Variants in SAXO1 observed in about 807,000 individuals in gnomAD.
The protein encoded by SAXO1 is 4930500O09Rik.
SAXO1 carries 21 observed loss-of-function variants against 17.5 expected under a neutral mutation model. That is an observed-to-expected ratio of 1.20 (90% confidence interval 0.85 to 1.72). The LOEUF (loss-of-function observed/expected upper bound fraction) is 1.72, where lower values mean the gene tolerates loss of function less well. SAXO1 is among the 40% of genes most tolerant of loss of function. The pLI is 0.00. For missense variants in SAXO1, 843 were observed against 596.0 expected, an observed-to-expected ratio of 1.41 and a Z score of -4.32; for synonymous variants, 274 against 216.5, an observed-to-expected ratio of 1.27 and a Z score of -2.33.
intron 2 of SAXO1, among the ~76,000 whole-genome samples, chr9:18,946,083 C>T (rs975814730): frequency 6.6e-6 from 1 of 151,958 alleles, no homozygotes; most frequent in Non-Finnish European, 1.5e-5. Flanking sequence ...ATGAGACCAG[C>T]CTGACCAACA....
intron 1 of SAXO1, among the ~76,000 whole-genome samples, chr9:18,981,276 T>G (rs921920969): frequency 6.6e-5 from 10 of 152,214 alleles, no homozygotes; most frequent in African/African-American, 2.2e-4. Context: ...TATAAAATAC[T>G]TTCTAATAGT....
At chr9:18,967,063 T>A (rs932459229) in intron 1 of SAXO1, among the ~76,000 whole-genome samples, 1 of 152,208 alleles carries the variant, frequency 6.6e-6, no homozygotes, top group African/African-American at 2.4e-5. Context: ...TGCCTGGGTA[T>A]CAACAGAGGA....
upstream of SAXO1, among the ~76,000 whole-genome samples, chr9:19,035,938 G>T (rs926242335): frequency 3.3e-5 from 5 of 152,176 alleles, no homozygotes; most frequent in African/African-American, 1.2e-4. Flanking sequence ...GAGCACAAAA[G>T]TTTGGAAAAT....
At chr9:18,999,451 G>T (rs908393307) in intron 1 of SAXO1, among the ~76,000 whole-genome samples, 2 of 151,716 alleles carry the variant, frequency 1.3e-5, no homozygotes, top group African/African-American at 4.8e-5. Flanking sequence ...CCACCCGGCT[G>T]CCCCACCATC....
chr9:18,971,844 T>G (rs1353172836), intron 1 of SAXO1, among the ~76,000 whole-genome samples: 1 of 152,220 alleles, frequency 6.6e-6, no homozygotes, highest in Non-Finnish European at 1.5e-5. Flanking sequence ...AATTTACAGA[T>G]AGTGTAAAAC....
chr9:18,956,180 G>A (rs918086703), intron 1 of SAXO1, among the ~76,000 whole-genome samples: 5 of 150,748 alleles, frequency 3.3e-5, no homozygotes, highest in African/African-American at 1.2e-4. Context: ...CAAACTCCTG[G>A]GCTCAAGCTA....
intron 1 of SAXO1, among the ~76,000 whole-genome samples, chr9:18,964,757 C>T (rs1832646246): frequency 6.6e-6 from 1 of 152,182 alleles, no homozygotes; most frequent in African/African-American, 2.4e-5. Context: ...CTAACTCCCT[C>T]AATTCTGTTC....
chr9:19,047,911 C>T (rs1836260612), intron 1 of SAXO1, among the ~76,000 whole-genome samples: 2 of 152,118 alleles, frequency 1.3e-5, no homozygotes, highest in African/African-American at 4.8e-5. Flanking sequence ...GGAAGGGAAA[C>T]CCCAGAATGG....
At position 18,986,461 on chromosome 9, in the gene SAXO1, C is replaced by T. The variant is rs145554927; in HGVS notation, c.39-35524G>A. 4.6e-3 allele frequency among the ~76,000 whole-genome samples: 703 copies of T among 152,100 alleles called. 4 individuals carry two copies. The highest frequency in any genetic ancestry group is 0.016 in the African/African-American group (670 of 41,492). On this transcript the variant is annotated intron_variant, in intron 1 of 3. Transcript: ENST00000380534. ...ATGGTCAAAGAACAGAGAGACCAATCGAGGAAGGTAAACACAATTTTAAAA... is the reference window on the plus strand; with the variant it reads ...ATGGTCAAAGAACAGAGAGACCAATTGAGGAAGGTAAACACAATTTTAAAA...
intron 1 of SAXO1, among the ~76,000 whole-genome samples, chr9:18,966,655 G>C (rs1832727971): frequency 6.6e-6 from 1 of 151,032 alleles, no homozygotes; most frequent in Non-Finnish European, 1.5e-5. Context: ...CTTTTATCAA[G>C]GTTCTTAGCT....
At chr9:18,978,116 G>T (rs1188174903) in intron 1 of SAXO1, among the ~76,000 whole-genome samples, 1 of 150,434 alleles carries the variant, frequency 6.6e-6, no homozygotes. Flanking sequence ...GCACTCAAAA[G>T]CAGTGCCTGG....
chr9:19,021,368 A>G (rs1229147999), intron 1 of SAXO1, among the ~76,000 whole-genome samples: 1 of 152,150 alleles, frequency 6.6e-6, no homozygotes, highest in East Asian at 1.9e-4. Flanking sequence ...CATACTCCCA[A>G]CTAGCCATTA....
At chr9:19,046,075 T>A in intron 1 of SAXO1, among the ~76,000 whole-genome samples, 1 of 57,590 alleles carries the variant, frequency 1.7e-5, no homozygotes, top group East Asian at 3.9e-4. Flanking sequence ...AGAATGAAAC[T>A]CCGTCTCAAA....
At position 19,032,368 on chromosome 9, in the gene SAXO1, C is replaced by T. The variant is rs79489605; in HGVS notation, c.38+503G>A. Reference sequence around the variant, plus strand: ...TAGAAGGGAGACCTGGCAGGCCAGGCGACTGTGAAAGTAATGTTTTCATTA... The same window carrying T: ...TAGAAGGGAGACCTGGCAGGCCAGGTGACTGTGAAAGTAATGTTTTCATTA... On this transcript the variant is annotated intron_variant, in intron 1 of 3. Coordinates refer to ENST00000380534, the MANE Select transcript of SAXO1 (RefSeq NM_153707.4). Among the ~76,000 whole-genome samples, 696 of 152,316 alleles carry T rather than the reference C, an allele frequency of 4.6e-3. 15 individuals carry two copies. In the East Asian group the frequency reaches 0.065, roughly 14 times the overall value.
intron 1 of SAXO1, among the ~76,000 whole-genome samples, chr9:18,990,823 T>C (rs1489952952): frequency 6.6e-6 from 1 of 152,238 alleles, no homozygotes; most frequent in East Asian, 1.9e-4. Context: ...GAGAACCTAA[T>C]GCCTGATGAT....
intron 1 of SAXO1, among the ~76,000 whole-genome samples, chr9:19,042,906 T>C (rs1040381462): frequency 2.6e-5 from 4 of 152,190 alleles, no homozygotes; most frequent in African/African-American, 9.7e-5. Flanking sequence ...GTGCAGTGGT[T>C]GATGCCTATA....
intron 1 of SAXO1, among the ~76,000 whole-genome samples, chr9:18,968,312 T>A (rs1832809238): frequency 6.6e-6 from 1 of 152,178 alleles, no homozygotes; most frequent in Non-Finnish European, 1.5e-5. Flanking sequence ...CCCAAAGCAC[T>A]GGGATTACAG....
intron 1 of SAXO1, among the ~76,000 whole-genome samples, chr9:18,958,794 G>C (rs1162891444): frequency 3.3e-5 from 5 of 152,074 alleles, no homozygotes; most frequent in Non-Finnish European, 5.9e-5. Context: ...ATGACGACTT[G>C]CAGAATCATA....
At chr9:18,968,671 G>A (rs1012477791) in intron 1 of SAXO1, among the ~76,000 whole-genome samples, 6 of 150,852 alleles carry the variant, frequency 4.0e-5, no homozygotes, top group Admixed American at 1.3e-4. Flanking sequence ...GCAGCTCACT[G>A]CAACCTCCGC....
Sources: gnomAD v4.1 joint callset for allele counts (sites outside exome capture counted in the v4.1 genomes callset) on GRCh38, gnomAD v4.1.1 for gene constraint, MANE v1.5 for transcripts, NCBI Gene and HGNC (gene_info 2026-07-23, HGNC 2026-07-21) for gene names.